The following ZNF804B variants were observed in gnomAD, a reference collection of about 807,000 sequenced individuals.
ZNF804B encodes zinc finger protein 804B, also known as zinc finger 804B.
Under a neutral mutation model 101.4 loss-of-function variants are expected in ZNF804B, and 80 were observed. The observed-to-expected ratio is 0.79, with a 90% confidence interval of 0.66 to 0.95. ZNF804B has a LOEUF of 0.95. Ranked by LOEUF, ZNF804B falls within the 40% of genes least tolerant of loss-of-function variation. The probability of loss-of-function intolerance (pLI) is 0.00; values close to 1 mark genes in which losing one functional copy is unlikely to be tolerated. For synonymous variants in ZNF804B, 622 were observed against 558.8 expected, an observed-to-expected ratio of 1.11 and a Z score of -1.59; for missense variants, 1,673 against 1,561.9, an observed-to-expected ratio of 1.07 and a Z score of -1.20.
intron 1 of ZNF804B, among the ~76,000 whole-genome samples, chr7:89,105,267 G>C (rs1790117515): frequency 6.6e-6 from 1 of 152,052 alleles, no homozygotes; most frequent in Admixed American, 6.6e-5. Context: ...CATTGTAACT[G>C]TTATAGATAA....
chr7:88,864,504 T>TGA (rs1791697236), intron 1 of ZNF804B, among the ~76,000 whole-genome samples: 1 of 152,148 alleles, frequency 6.6e-6, no homozygotes, highest in African/African-American at 2.4e-5. Flanking sequence ...CTTGGCCATA[T>TGA]GAGATGTCTC....
At chr7:88,916,480 G>A (rs888926299) in intron 1 of ZNF804B, among the ~76,000 whole-genome samples, 2 of 152,014 alleles carry the variant, frequency 1.3e-5, no homozygotes, top group Admixed American at 6.6e-5. Context: ...CTAGTGAACC[G>A]TTTAGCAGAT....
chr7:88,958,457 G>A (rs946658913), intron 1 of ZNF804B, among the ~76,000 whole-genome samples: 1 of 151,330 alleles, frequency 6.6e-6, no homozygotes, highest in African/African-American at 2.4e-5. Flanking sequence ...TTGACTTGTG[G>A]CAAGTAATAA....
intron 1 of ZNF804B, among the ~76,000 whole-genome samples, chr7:89,186,491 C>T (rs1207168502): frequency 6.6e-6 from 1 of 151,958 alleles, no homozygotes; most frequent in Non-Finnish European, 1.5e-5. Context: ...AAGGTGAAAA[C>T]AGAAAGAAAT....
chr7:89,261,008 A>C (rs1328107301), intron 2 of ZNF804B, among the ~76,000 whole-genome samples: 1 of 152,194 alleles, frequency 6.6e-6, no homozygotes, highest in South Asian at 2.1e-4. Context: ...TGCTATATGC[A>C]ATTTACTGTA....
rs189367248 is a variant in ZNF804B at position 89,098,036 on chromosome 7, C to T, written c.109-120119C>T. 3.5e-3 allele frequency among the ~76,000 whole-genome samples: 536 copies of T among 152,158 alleles called. 1 individual carries two copies. The highest frequency in any genetic ancestry group is 5.4e-3 in the Non-Finnish European group (369 of 68,002). ...TTAGCACATTCTTATCGTGCACTAGCTTGGATACAGACCTAAGCACTTTAC... is the reference window on the plus strand; with the variant it reads ...TTAGCACATTCTTATCGTGCACTAGTTTGGATACAGACCTAAGCACTTTAC... On this transcript the variant is annotated intron_variant, in intron 1 of 3. Transcript: ENST00000333190.
intron 1 of ZNF804B, among the ~76,000 whole-genome samples, chr7:88,819,453 C>T (rs1213832826): frequency 6.6e-6 from 1 of 151,956 alleles, no homozygotes; most frequent in African/African-American, 2.4e-5. Flanking sequence ...TTTTCTATGT[C>T]TCCTTGATTT....
intron 1 of ZNF804B, among the ~76,000 whole-genome samples, chr7:88,963,673 G>A (rs1006453041): frequency 5.3e-5 from 8 of 151,198 alleles, no homozygotes; most frequent in African/African-American, 1.9e-4. Context: ...AGAATGATAA[G>A]TTGTATATCA....
intron 1 of ZNF804B, among the ~76,000 whole-genome samples, chr7:88,981,781 C>T (rs1159718864): frequency 1.3e-5 from 2 of 151,966 alleles, no homozygotes; most frequent in Non-Finnish European, 2.9e-5. Flanking sequence ...AACTCTAATG[C>T]AAAGTCCCAA....
At chr7:89,000,268 A>C (rs1375368047) in intron 1 of ZNF804B, among the ~76,000 whole-genome samples, 1 of 152,020 alleles carries the variant, frequency 6.6e-6, no homozygotes, top group African/African-American at 2.4e-5. Flanking sequence ...ATTTGAGGAA[A>C]GATGCACTGT....
At chr7:88,977,423 A>G (rs1256332182) in intron 1 of ZNF804B, among the ~76,000 whole-genome samples, 1 of 151,160 alleles carries the variant, frequency 6.6e-6, no homozygotes, top group Non-Finnish European at 1.5e-5. Flanking sequence ...CTATTTTACT[A>G]CTTGTTATTG....
At chr7:88,784,152 A>C (rs1292118821) in intron 1 of ZNF804B, among the ~76,000 whole-genome samples, 1 of 152,154 alleles carries the variant, frequency 6.6e-6, no homozygotes, top group Admixed American at 6.6e-5. Context: ...TCAGAGCAAA[A>C]TTTATAAATA....
At chr7:88,856,671 C>A (rs1472128049) in intron 1 of ZNF804B, among the ~76,000 whole-genome samples, 2 of 152,226 alleles carry the variant, frequency 1.3e-5, no homozygotes, top group African/African-American at 4.8e-5. Flanking sequence ...GAGAGAGCAT[C>A]CCTGTCTTGT....
chr7:89,277,724 C>T (rs1335281674), intron 2 of ZNF804B, among the ~76,000 whole-genome samples: 1 of 151,526 alleles, frequency 6.6e-6, no homozygotes, highest in Non-Finnish European at 1.5e-5. Context: ...GTATATGTGC[C>T]ACATTTTCTT....
intron 1 of ZNF804B, among the ~76,000 whole-genome samples, chr7:89,076,158 G>C (rs2116305377): frequency 6.6e-6 from 1 of 152,266 alleles, no homozygotes; most frequent in Non-Finnish European, 1.5e-5. Flanking sequence ...CCGTTGGGAA[G>C]GCATGATTGG....
At chr7:88,975,689 G>A (rs1426484477) in intron 1 of ZNF804B, among the ~76,000 whole-genome samples, 3 of 151,470 alleles carry the variant, frequency 2.0e-5, no homozygotes, top group African/African-American at 7.3e-5. Flanking sequence ...TGTTGGATGG[G>A]TAGTTTGCAA....
intron 1 of ZNF804B, among the ~76,000 whole-genome samples, chr7:89,035,764 A>G (rs958503192): frequency 6.6e-6 from 1 of 151,270 alleles, no homozygotes; most frequent in Non-Finnish European, 1.5e-5. Context: ...TGATTTAAGA[A>G]CAGGAAAAAC....
At chr7:89,323,992 T>C (rs1012385493) in intron 2 of ZNF804B, among the ~76,000 whole-genome samples, 1 of 152,056 alleles carries the variant, frequency 6.6e-6, no homozygotes, top group Non-Finnish European at 1.5e-5. Flanking sequence ...AGCCAAAACA[T>C]GAGGCTGGCA....
intron 1 of ZNF804B, among the ~76,000 whole-genome samples, chr7:89,159,407 T>A (rs1330143359): frequency 1.0e-5 from 1 of 97,170 alleles, no homozygotes; most frequent in Non-Finnish European, 2.4e-5. Flanking sequence ...TTGGCTTTAC[T>A]TTTTTTAGTA....
Sources: allele counts gnomAD v4.1 joint callset (sites outside exome capture counted in the v4.1 genomes callset), GRCh38; gene constraint gnomAD v4.1.1; transcripts MANE v1.5; gene names NCBI Gene and HGNC (gene_info 2026-07-23, HGNC 2026-07-21).